ABLIM1: variants seen among roughly 807,000 people sequenced by gnomAD.
The protein encoded by ABLIM1 is actin binding LIM protein 1.
In ABLIM1, 40 loss-of-function variants were observed where a neutral mutation model predicts 107.0. The ratio of observed to expected loss-of-function variants is 0.37; its 90% CI spans 0.29 to 0.49. The LOEUF (loss-of-function observed/expected upper bound fraction) is 0.49, where lower values mean the gene tolerates loss of function less well. Ranked by LOEUF, ABLIM1 falls within the 20% of genes least tolerant of loss-of-function variation. ABLIM1 has a pLI of 0.97. For missense variants in ABLIM1, 857 were observed against 1,008.5 expected (o/e 0.85, Z 2.04); for synonymous variants, 357 against 357.3 (o/e 1.00, Z 0.01).
intron 4 of ABLIM1, among the ~76,000 whole-genome samples, chr10:114,565,755 A>AACATGC (rs1453810171): frequency 1.3e-5 from 2 of 151,060 alleles, no homozygotes; most frequent in Non-Finnish European, 3.0e-5. Context: ...CCCCTTTGGA[A>AACATGC]ACATGCACGC....
chr10:114,491,312 G>A (rs952989039), intron 7 of ABLIM1, among the ~76,000 whole-genome samples: 1 of 151,852 alleles, frequency 6.6e-6, no homozygotes, highest in Non-Finnish European at 1.5e-5. Context: ...CATCAAATAT[G>A]AGATTTTCTT....
At chr10:114,670,484 G>A (rs1343122582) in intron 1 of ABLIM1, among the ~76,000 whole-genome samples, 2 of 152,078 alleles carry the variant, frequency 1.3e-5, no homozygotes, top group African/African-American at 2.4e-5. Context: ...TAATTATTCA[G>A]CCAATTTTCT....
At chr10:114,635,175 C>G (rs907834620) in intron 1 of ABLIM1, among the ~76,000 whole-genome samples, 3 of 152,200 alleles carry the variant, frequency 2.0e-5, no homozygotes, top group Non-Finnish European at 4.4e-5. Flanking sequence ...TCTGCCCCAT[C>G]AGACTGACCC....
At chr10:114,730,821 C>A (rs921026191) in intron 1 of ABLIM1, among the ~76,000 whole-genome samples, 1 of 152,010 alleles carries the variant, frequency 6.6e-6, no homozygotes, top group Admixed American at 6.6e-5. Flanking sequence ...ACTCCTCATT[C>A]CCCCTCCTCC....
intron 1 of ABLIM1, among the ~76,000 whole-genome samples, chr10:114,602,172 G>A (rs2076064274): frequency 6.6e-6 from 1 of 152,178 alleles, no homozygotes; most frequent in Non-Finnish European, 1.5e-5. Context: ...AACACCAGGC[G>A]TGTTCCTCAA....
At chr10:114,752,650 C>T (rs1355163057) in intron 1 of ABLIM1, among the ~76,000 whole-genome samples, 1 of 152,172 alleles carries the variant, frequency 6.6e-6, no homozygotes, top group Non-Finnish European at 1.5e-5. Context: ...TCTATGTGTT[C>T]TCATTGTTCA....
chr10:114,794,940 T>G, the ABLIM1 span, among the ~76,000 whole-genome samples: 1 of 152,192 alleles, frequency 6.6e-6, no homozygotes, highest in Non-Finnish European at 1.5e-5. Flanking sequence ...GAGGAATAAT[T>G]GGACATACAT....
At chr10:114,557,664 G>A (rs1027724796) in intron 4 of ABLIM1, among the ~76,000 whole-genome samples, 1 of 124,788 alleles carries the variant, frequency 8.0e-6, no homozygotes, top group Non-Finnish European at 1.6e-5. Flanking sequence ...TAGCTCCATA[G>A]TGAGGTGTTT....
At chr10:114,781,687 T>A in the ABLIM1 span, among the ~76,000 whole-genome samples, 3 of 146,112 alleles carry the variant, frequency 2.1e-5, no homozygotes, top group African/African-American at 5.0e-5. Context: ...TATATATATA[T>A]AATTAATGCA....
intron 1 of ABLIM1, among the ~76,000 whole-genome samples, chr10:114,740,363 G>A (rs1016805587): frequency 2.0e-5 from 3 of 151,912 alleles, no homozygotes; most frequent in African/African-American, 7.2e-5. Context: ...ATTTGAAGCT[G>A]AACTTTCTTC....
intron 6 of ABLIM1, among the ~76,000 whole-genome samples, chr10:114,521,448 C>T (rs1267067430): frequency 2.0e-5 from 3 of 152,200 alleles, no homozygotes; most frequent in Admixed American, 1.3e-4. Context: ...CTTTATTACA[C>T]ATTCCTGTCC....
At chr10:114,667,939 T>C (rs2080093246) in intron 1 of ABLIM1, among the ~76,000 whole-genome samples, 2 of 152,080 alleles carry the variant, frequency 1.3e-5, no homozygotes, top group East Asian at 1.9e-4. Flanking sequence ...ATCCATTCCA[T>C]GAGATTTTGG....
intron 4 of ABLIM1, among the ~76,000 whole-genome samples, chr10:114,551,207 G>T (rs960845627): frequency 6.6e-5 from 10 of 152,230 alleles, no homozygotes; most frequent in Non-Finnish European, 1.5e-5. Flanking sequence ...ATAATACAAT[G>T]CTTGGTACAT....
At chr10:114,471,766 C>T (rs2066621606) in intron 10 of ABLIM1, among the ~76,000 whole-genome samples, 2 of 152,102 alleles carry the variant, frequency 1.3e-5, no homozygotes, top group Admixed American at 1.3e-4. Flanking sequence ...GCCTTTTCTT[C>T]TCCAAGACCT....
chr10:114,493,971 A>G (rs1472128907), intron 6 of ABLIM1, among the ~76,000 whole-genome samples: 2 of 152,216 alleles, frequency 1.3e-5, no homozygotes, highest in Non-Finnish European at 2.9e-5. Context: ...AGAGAACAGC[A>G]ATAAGGAAGG....
At chr10:114,749,323 C>T (rs972981783) in intron 1 of ABLIM1, among the ~76,000 whole-genome samples, 9 of 152,072 alleles carry the variant, frequency 5.9e-5, no homozygotes, top group African/African-American at 2.2e-4. Flanking sequence ...GCTACATTTG[C>T]CTCTTTCTTG....
chr10:114,696,141 T>A (rs1306334875), intron 1 of ABLIM1, among the ~76,000 whole-genome samples: 1 of 152,150 alleles, frequency 6.6e-6, no homozygotes, highest in East Asian at 1.9e-4. Context: ...GGTTTTAGGA[T>A]CCAGTGATGA....
chr10:114,586,934 A>G, intron 2 of ABLIM1, among the ~76,000 whole-genome samples: 1 of 152,206 alleles, frequency 6.6e-6, no homozygotes, highest in East Asian at 1.9e-4. Context: ...TTCCTAAAAA[A>G]ATGAAACATA....
At chr10:114,708,905 A>T (rs1264374972) in intron 1 of ABLIM1, among the ~76,000 whole-genome samples, 1 of 152,200 alleles carries the variant, frequency 6.6e-6, no homozygotes, top group Non-Finnish European at 1.5e-5. Flanking sequence ...ACCATCTTTT[A>T]AGATTACCAT....
Sources: gnomAD v4.1 joint callset for allele counts (sites outside exome capture counted in the v4.1 genomes callset) on GRCh38, gnomAD v4.1.1 for gene constraint, MANE v1.5 for transcripts, NCBI Gene and HGNC (gene_info 2026-07-23, HGNC 2026-07-21) for gene names.